The following SLIT3 variants were observed in gnomAD, a reference collection of about 807,000 sequenced individuals.
The protein encoded by SLIT3 is slit homolog 3 protein.
In SLIT3, 68 loss-of-function variants were observed where a neutral mutation model predicts 184.0. The observed-to-expected ratio is 0.37, with a 90% CI of 0.30 to 0.45. The LOEUF is 0.45. Ranked by LOEUF, SLIT3 falls within the 20% of genes least tolerant of loss-of-function variation. The pLI is 1.00. For missense variants in SLIT3, 1,707 were observed against 2,026.0 expected (o/e 0.84, Z 3.02); for synonymous variants, 831 against 828.6 (o/e 1.00, Z -0.05).
At chr5:168,835,477 C>CA (rs558345211) in intron 6 of SLIT3, among the ~76,000 whole-genome samples, 3,701 of 133,138 alleles carry the variant, frequency 0.028, 63 homozygotes, top group African/African-American at 0.035. Flanking sequence ...TCCCTTACTT[C>CA]AAAAAAAAAA....
intron 2 of SLIT3, among the ~76,000 whole-genome samples, chr5:169,250,087 C>T (rs1417484004): frequency 6.6e-6 from 1 of 152,224 alleles, no homozygotes; most frequent in Non-Finnish European, 1.5e-5. Context: ...GGTTAGAAAG[C>T]ACAGAGTCTA....
chr5:168,773,691 AAATATTTATG>A (rs1380319376), intron 13 of SLIT3, among the ~76,000 whole-genome samples: 1 of 152,156 alleles, frequency 6.6e-6, no homozygotes, highest in Non-Finnish European at 1.5e-5. Flanking sequence ...TATTTAAGTG[AAATATTTATG>A]AATACCTGTA....
At chr5:168,805,796 C>T (rs888602558) in intron 9 of SLIT3, among the ~76,000 whole-genome samples, 3 of 152,186 alleles carry the variant, frequency 2.0e-5, no homozygotes, top group Non-Finnish European at 4.4e-5. Flanking sequence ...ATGAGTGAAT[C>T]ATTTGTTTAC....
At chr5:168,801,673 T>C (rs1417667977) in intron 9 of SLIT3, among the ~76,000 whole-genome samples, 1 of 152,024 alleles carries the variant, frequency 6.6e-6, no homozygotes, top group Non-Finnish European at 1.5e-5. Context: ...CAGATGAACA[T>C]GTGGGTCTCT....
In SLIT3 at chr5:168,948,571, A is replaced by G. The variant is rs538863286; in HGVS notation, c.414-65235T>C. Among the ~76,000 whole-genome samples the G allele has an allele frequency of 3.3e-5, 5 of 152,298 alleles. No homozygotes were observed. The South Asian group carries it at 1.0e-3, about 32-fold the overall frequency. The stretch of plus-strand genomic sequence containing the variant: ...TTTTCCCTTTCTGGAGATTTTTAAG[A>G]AAAGGAAGCTTTGGTGGATTGATTT... On this transcript the variant is annotated intron_variant, in intron 4 of 35. Transcript: ENST00000519560.
At chr5:168,937,867 A>G (rs1762209171) in intron 4 of SLIT3, among the ~76,000 whole-genome samples, 1 of 147,800 alleles carries the variant, frequency 6.8e-6, no homozygotes, top group East Asian at 1.9e-4. Context: ...GATAGCAATT[A>G]TAATCATTAT....
chr5:169,209,817 G>A (rs1764199499), intron 3 of SLIT3, among the ~76,000 whole-genome samples: 1 of 152,040 alleles, frequency 6.6e-6, no homozygotes, highest in Non-Finnish European at 1.5e-5. Context: ...CAAGGGGAGG[G>A]ATAGCATTAA....
chr5:168,761,371 T>G (rs1306174706), intron 15 of SLIT3, among the ~76,000 whole-genome samples: 2 of 152,052 alleles, frequency 1.3e-5, no homozygotes, highest in Non-Finnish European at 2.9e-5. Context: ...TCACAGGTAT[T>G]CAGGGAGAGC....
chr5:168,965,070 CCTTG>C (rs1460703355), intron 4 of SLIT3, among the ~76,000 whole-genome samples: 1 of 152,172 alleles, frequency 6.6e-6, no homozygotes, highest in African/African-American at 2.4e-5. Context: ...ACCCTGGGCA[CCTTG>C]CTTGTCTCAG....
At chr5:168,682,160 G>A (rs1419851386) in intron 32 of SLIT3, among the ~76,000 whole-genome samples, 1 of 152,204 alleles carries the variant, frequency 6.6e-6, no homozygotes, top group Non-Finnish European at 1.5e-5. Flanking sequence ...TTCTTCTGGT[G>A]TCCACTGTGC....
chr5:169,299,491 G>A (rs968474318), intron 1 of SLIT3, among the ~76,000 whole-genome samples: 1 of 152,084 alleles, frequency 6.6e-6, no homozygotes, highest in African/African-American at 2.4e-5. Flanking sequence ...GACACGGAGG[G>A]AATCTACCAC....
chr5:168,862,553 C>T (rs904736970), intron 5 of SLIT3, among the ~76,000 whole-genome samples: 3 of 152,184 alleles, frequency 2.0e-5, no homozygotes, highest in Non-Finnish European at 4.4e-5. Context: ...CCTCCTTACT[C>T]TTATTGCTTT....
At chr5:168,985,616 T>C (rs1273308890) in intron 4 of SLIT3, among the ~76,000 whole-genome samples, 1 of 152,130 alleles carries the variant, frequency 6.6e-6, no homozygotes, top group Admixed American at 6.5e-5. Context: ...CAGCATGTGG[T>C]CTGGGCTAAG....
At chr5:168,977,976 C>T (rs1302937482) in intron 4 of SLIT3, among the ~76,000 whole-genome samples, 3 of 152,194 alleles carry the variant, frequency 2.0e-5, no homozygotes, top group African/African-American at 7.2e-5. Context: ...CCTCTGTCCT[C>T]TCGCTCCCAT....
rs7727949 is a variant in SLIT3, at chr5:168,861,962, C to T, written c.486-17307G>A. Among the ~76,000 whole-genome samples the T allele has an allele frequency of 9.6e-3, 1,456 of 152,216 alleles. 22 individuals are homozygous for T. The highest frequency in any genetic ancestry group is 0.032 in the African/African-American group (1,349 of 41,524). Reference sequence around the variant, plus strand: ...TTAACATTAGCAGCTGCTTAGCAGCCGTGAGAGCATCATTTAATGGGGCCG... The same window carrying T: ...TTAACATTAGCAGCTGCTTAGCAGCTGTGAGAGCATCATTTAATGGGGCCG... On this transcript the variant is annotated intron_variant, in intron 5 of 35. Coordinates refer to ENST00000519560, the MANE Select transcript of SLIT3 (RefSeq NM_003062.4).
chr5:169,077,756 A>G (rs950878211), intron 4 of SLIT3, among the ~76,000 whole-genome samples: 12 of 151,620 alleles, frequency 7.9e-5, no homozygotes, highest in Non-Finnish European at 1.3e-4. Context: ...AATGTCACGG[A>G]GAGATGGGTT....
chr5:169,108,675 G>A (rs1179585979), intron 4 of SLIT3, among the ~76,000 whole-genome samples: 1 of 152,114 alleles, frequency 6.6e-6, no homozygotes. Flanking sequence ...GCTTTGAGAA[G>A]GAAGTCCCTC....
chr5:168,983,399 G>A (rs1489211526), intron 4 of SLIT3, among the ~76,000 whole-genome samples: 1 of 152,182 alleles, frequency 6.6e-6, no homozygotes, highest in Non-Finnish European at 1.5e-5. Flanking sequence ...CCTAAGCCCT[G>A]CAATCCGTTC....
chr5:168,882,964 G>A (rs1054470658), intron 5 of SLIT3, among the ~76,000 whole-genome samples: 7 of 152,164 alleles, frequency 4.6e-5, no homozygotes, highest in Non-Finnish European at 8.8e-5. Flanking sequence ...CCATTTTACA[G>A]AAGATGATAA....
Sources: allele counts gnomAD v4.1 joint callset (sites outside exome capture counted in the v4.1 genomes callset), GRCh38; gene constraint gnomAD v4.1.1; transcripts MANE v1.5; gene names NCBI Gene and HGNC (gene_info 2026-07-23, HGNC 2026-07-21).